Variants in RBFOX2 observed in about 807,000 individuals in gnomAD.
The protein encoded by RBFOX2 is RNA binding fox-1 homolog 2, also known as RNA binding protein fox-1 homolog 2.
In RBFOX2, 10 loss-of-function variants were observed where a neutral mutation model predicts 49.1. The ratio of observed to expected loss-of-function variants is 0.20; its 90% confidence interval spans 0.13 to 0.35. The LOEUF (loss-of-function observed/expected upper bound fraction) is 0.35, where lower values mean the gene tolerates loss of function less well. RBFOX2 is among the 10% of genes least tolerant of loss of function. The probability of loss-of-function intolerance (pLI) is 1.00; values close to 1 mark genes in which losing one functional copy is unlikely to be tolerated. For missense variants in RBFOX2, 323 were observed against 486.9 expected (o/e 0.66, Z 3.17); for synonymous variants, 183 against 187.4 (o/e 0.98, Z 0.19).
At chr22:35,917,439 C>T (rs1453417997) in intron 1 of RBFOX2, among the ~76,000 whole-genome samples, 1 of 152,132 alleles carries the variant, frequency 6.6e-6, no homozygotes, top group Non-Finnish European at 1.5e-5. Context: ...TGAAAATGCA[C>T]AGTGAGAGAA....
At chr22:35,745,928 C>A (rs563359777) in exon 11 of RBFOX2, 1 of 1,612,806 alleles carries the variant, frequency 6.2e-7, no homozygotes, top group South Asian at 1.1e-5. Flanking sequence ...CTTACCACAG[C>A]GCCAACTCCA....
intron 6 of RBFOX2, among the ~76,000 whole-genome samples, chr22:35,763,537 A>C (rs1939734615): frequency 6.6e-6 from 1 of 152,206 alleles, no homozygotes; most frequent in Admixed American, 6.5e-5. Flanking sequence ...ACTCCAGCCT[A>C]GGTGACAGAG....
In RBFOX2 at chr22:36,008,605, C is replaced by A. The variant is rs2058702505; in HGVS notation, c.186+19635G>T. ...CCCGAAGTAGGTGGATCACTTGAGG[C>A]CAGGAGTTTAAGACCAGCCTGGCCA... On this transcript the variant is annotated intron_variant, in intron 1 of 13. Transcript: ENST00000438146. Among the ~76,000 whole-genome samples the A allele has an allele frequency of 2.0e-5, 3 of 152,118 alleles. 1 individual carries two copies. Among genetic ancestry groups the A allele is most frequent in the Admixed American group, 2.0e-4 (3 of 15,274 alleles).
rs948758403 is a variant in RBFOX2, at chr22:35,788,255, A to C, written c.253-6509T>G. 5.9e-5 allele frequency among the ~76,000 whole-genome samples: 9 copies of C among 152,252 alleles called. No homozygotes were observed. The South Asian group carries it at 1.7e-3, about 28-fold the overall frequency. On this transcript the variant is annotated intron_variant, in intron 2 of 11. Coordinates refer to ENST00000405409, the Ensembl canonical transcript of RBFOX2. ...AGGGAATTCTGAGTGACACAAGATT[A>C]AGTATAACTTTCCAAGTCTATCAGA...
At chr22:35,772,637 A>G (rs541089881) in intron 4 of RBFOX2, among the ~76,000 whole-genome samples, 188 of 152,294 alleles carry the variant, frequency 1.2e-3, no homozygotes, top group African/African-American at 4.3e-3. Context: ...ATTTAAACAC[A>G]CCAGTGTTAC....
exon 3 of RBFOX2, chr22:35,781,729 T>C (rs2034820277): frequency 6.2e-7 from 1 of 1,614,142 alleles, no homozygotes. Flanking sequence ...CGTCTGTCTG[T>C]GCTCCACCTT....
intron 9 of RBFOX2, among the ~76,000 whole-genome samples, chr22:35,757,181 G>A (rs1258607033): frequency 1.3e-5 from 2 of 148,394 alleles, no homozygotes; most frequent in South Asian, 2.2e-4. Flanking sequence ...TTATTTTCCT[G>A]TTTAGATAAT....
At chr22:35,926,431 C>T (rs2051649652) in intron 1 of RBFOX2, among the ~76,000 whole-genome samples, 1 of 152,184 alleles carries the variant, frequency 6.6e-6, no homozygotes, top group African/African-American at 2.4e-5. Flanking sequence ...CATTAAACCT[C>T]TCATTACAAT....
chr22:35,970,170 G>C (rs1286628165), intron 1 of RBFOX2, among the ~76,000 whole-genome samples: 1 of 152,066 alleles, frequency 6.6e-6, no homozygotes, highest in Non-Finnish European at 1.5e-5. Flanking sequence ...ACTCAAGAAG[G>C]GTGACCATGT....
intron 1 of RBFOX2, chr22:35,999,378 C>T (rs1418817987): frequency 8.2e-6 from 1 of 121,894 alleles, no homozygotes; most frequent in African/African-American, 3.0e-5. Flanking sequence ...GTCCCTGTCT[C>T]TACAAAAAAA....
intron 1 of RBFOX2, among the ~76,000 whole-genome samples, chr22:35,892,180 A>C (rs1052517909): frequency 6.6e-6 from 1 of 152,212 alleles, no homozygotes; most frequent in Non-Finnish European, 1.5e-5. Flanking sequence ...TCTTCACAAC[A>C]ATCCTGAGTG....
chr22:36,028,249 G>A (rs779429267), exon 1 of RBFOX2: 3 of 1,525,970 alleles, frequency 2.0e-6, no homozygotes, highest in East Asian at 2.7e-5. Context: ...CCTGCATCCC[G>A]CCGCCACCGT....
intron 1 of RBFOX2, among the ~76,000 whole-genome samples, chr22:35,957,792 T>C (rs2149910056): frequency 6.6e-6 from 1 of 152,322 alleles, no homozygotes; most frequent in Non-Finnish European, 1.5e-5. Flanking sequence ...GATAATTATC[T>C]ACATCTGGAT....
chr22:35,914,351 G>A (rs2050170680), intron 1 of RBFOX2, among the ~76,000 whole-genome samples: 2 of 152,172 alleles, frequency 1.3e-5, no homozygotes, highest in Admixed American at 1.3e-4. Flanking sequence ...CAAGGCTAGC[G>A]ATAAAACGCC....
At chr22:35,800,640 T>C (rs1949601253) in intron 2 of RBFOX2, among the ~76,000 whole-genome samples, 1 of 152,154 alleles carries the variant, frequency 6.6e-6, no homozygotes, top group South Asian at 2.1e-4. Flanking sequence ...CAATGCTGTA[T>C]TCACCAAGAC....
chr22:35,868,354 C>T (rs1401114348), intron 1 of RBFOX2, among the ~76,000 whole-genome samples: 1 of 152,196 alleles, frequency 6.6e-6, no homozygotes, highest in Non-Finnish European at 1.5e-5. Context: ...GTAGAACCTT[C>T]ATAGAAAGTG....
At chr22:35,745,929 G>A (rs749041051) in exon 11 of RBFOX2, 13 of 1,612,774 alleles carry the variant, frequency 8.1e-6, no homozygotes, top group South Asian at 2.2e-5. Context: ...TTACCACAGC[G>A]CCAACTCCAT....
intron 1 of RBFOX2, among the ~76,000 whole-genome samples, chr22:35,814,710 CAAAAAAAAAAAAAAA>C (rs55971445): frequency 2.6e-4 from 8 of 31,028 alleles, no homozygotes; most frequent in African/African-American, 3.4e-4. Context: ...AACCCTGTCT[CAAAAAAAAAAAAAAA>C]AAAAAAAAAA....
chr22:35,821,927 C>T (rs1954617207), intron 1 of RBFOX2: 2 of 518,900 alleles, frequency 3.9e-6, no homozygotes, highest in Non-Finnish European at 7.7e-6. Flanking sequence ...AAACCATAAA[C>T]ACCTCTTCAC....
Sources: allele counts gnomAD v4.1 joint callset (sites outside exome capture counted in the v4.1 genomes callset), GRCh38; gene constraint gnomAD v4.1.1; transcripts MANE v1.5; gene names NCBI Gene and HGNC (gene_info 2026-07-23, HGNC 2026-07-21).